Variants in FHAD1 observed in about 807,000 individuals in gnomAD.
FHAD1 encodes the protein forkhead-associated domain-containing protein 1.
FHAD1 carries 146 observed loss-of-function variants against 191.3 expected under a neutral mutation model. That is an observed-to-expected ratio of 0.76 (90% CI 0.67 to 0.88). The LOEUF is 0.88. Ranked by LOEUF, FHAD1 falls within the 40% of genes least tolerant of loss-of-function variation. The pLI is 0.00. For synonymous variants in FHAD1, 616 were observed against 672.3 expected, an observed-to-expected ratio of 0.92 and a Z score of 1.29; for missense variants, 1,635 against 1,785.8, an observed-to-expected ratio of 0.92 and a Z score of 1.52.
intron 6 of FHAD1, among the ~76,000 whole-genome samples, chr1:15,301,761 C>T (rs1299750922): frequency 6.6e-6 from 1 of 152,180 alleles, no homozygotes; most frequent in African/African-American, 2.4e-5. Flanking sequence ...GGCGCTGTGG[C>T]TCACACCTGT....
At chr1:15,352,820 C>G in intron 19 of FHAD1, 57 bp from the exon 20 acceptor site, 1 of 1,308,616 alleles carries the variant, frequency 7.6e-7, no homozygotes, top group Non-Finnish European at 1.1e-6. Context: ...GTTTCCCTTT[C>G]CAGTGTCATT....
intron 33 of FHAD1, among the ~76,000 whole-genome samples, 158 bp from the exon 34 acceptor site, chr1:15,397,139 C>A (rs1354433505): frequency 2.0e-5 from 3 of 147,824 alleles, no homozygotes; most frequent in Admixed American, 2.0e-4. Flanking sequence ...TGCAGTGAGC[C>A]GAGATCACAC....
At position 15,312,340 on chromosome 1, in the gene FHAD1, C is replaced by T. The variant is rs1672528250; in HGVS notation, c.1040-717C>T. On this transcript the variant is annotated intron_variant, in intron 7 of 33. Coordinates refer to ENST00000688493, the MANE Select transcript of FHAD1 (RefSeq NM_001391957.1). The surrounding 1 kb of genome is among the most constrained non-coding windows in gnomAD (Gnocchi z 4.7). ...TGTTCTTTATACAACTCTGTAGATACAATGAGAGGTTAAATAACTTCTTCA... is the reference window on the plus strand; with the variant it reads ...TGTTCTTTATACAACTCTGTAGATATAATGAGAGGTTAAATAACTTCTTCA... 6.6e-6 allele frequency among the ~76,000 whole-genome samples: 1 copy of T among 152,148 alleles called. No homozygotes were observed. Among genetic ancestry groups the T allele is most frequent in the Non-Finnish European group, 1.5e-5 (1 of 68,022 alleles).
intron 6 of FHAD1, among the ~76,000 whole-genome samples, chr1:15,305,580 C>CT (rs1315236617): frequency 9.2e-5 from 14 of 152,224 alleles, no homozygotes; most frequent in Non-Finnish European, 4.4e-5. Flanking sequence ...CAAATCTCAA[C>CT]TTGAATTGTA....
chr1:15,311,699 GACCGTATGAGATA>G lies in FHAD1; in HGVS notation c.1040-1354_1040-1342del, dbSNP rs1188324634. On this transcript the variant is annotated intron_variant, in intron 7 of 33. Transcript: ENST00000688493. The surrounding 1 kb of genome is among the most constrained non-coding windows in gnomAD (Gnocchi z 4.1). ...AGGATGAATGTTTTTCTAAGAAAAG[GACCGTATGAGATA>G]ACCCAATACCACTGCATTATGCACC... Among the ~76,000 whole-genome samples the G allele has an allele frequency of 2.0e-5, 3 of 152,124 alleles. No individual in the cohort carries two copies. Among genetic ancestry groups the G allele is most frequent in the Non-Finnish European group, 2.9e-5 (2 of 68,014 alleles).
At chr1:15,284,884 C>T (rs1417853358) in intron 3 of FHAD1, among the ~76,000 whole-genome samples, 1 of 151,870 alleles carries the variant, frequency 6.6e-6, no homozygotes, top group African/African-American at 2.4e-5. Context: ...AAAAAACCAC[C>T]ACGCCACACA....
chr1:15,310,063 A>G (rs192807814), intron 7 of FHAD1, among the ~76,000 whole-genome samples: 1 of 152,152 alleles, frequency 6.6e-6, no homozygotes. Context: ...TTTTTAAGGC[A>G]GAGAATGGCA....
chr1:15,279,406 G>A (rs10927763), intron 3 of FHAD1, among the ~76,000 whole-genome samples: 2 of 151,750 alleles, frequency 1.3e-5, no homozygotes, highest in East Asian at 3.9e-4. Context: ...GCTAGATCCA[G>A]GTGCTCAAGG....
Position 15,318,101 on chromosome 1 carries a change from A to T in FHAD1, c.1365+173A>T, listed in dbSNP as rs1574291775. Among the ~76,000 whole-genome samples the T allele has an allele frequency of 6.6e-6, 1 of 152,154 alleles. No homozygotes were observed. The highest frequency in any genetic ancestry group is 1.5e-5 in the Non-Finnish European group (1 of 68,032). On this transcript the variant is annotated intron_variant, in intron 10 of 33. Transcript: ENST00000688493. This position sits in a 1 kb window ranked among gnomAD's most constrained non-coding sequence, Gnocchi z 4.1. ...CACTGCATAAAGTAGTTGTGGCAGG[A>T]CTTGAACCCAGGTTGGTCTGACTCC...
At chr1:15,393,555 A>G (rs1557469895) in intron 33 of FHAD1, among the ~76,000 whole-genome samples, 1 of 151,796 alleles carries the variant, frequency 6.6e-6, no homozygotes, top group Non-Finnish European at 1.5e-5. Flanking sequence ...ACAGAGTTAG[A>G]CTAATGAAGA....
chr1:15,380,413 C>A (rs1700636968), intron 28 of FHAD1, among the ~76,000 whole-genome samples: 1 of 152,158 alleles, frequency 6.6e-6, no homozygotes, highest in Non-Finnish European at 1.5e-5. Flanking sequence ...GGGGACAAAA[C>A]CACCCCAATT....
At chr1:15,243,741 C>T (rs1012428026), upstream of FHAD1, among the ~76,000 whole-genome samples, 13 of 152,256 alleles carry the variant, frequency 8.5e-5, no homozygotes, top group African/African-American at 3.1e-4. Context: ...TCACTCCCTG[C>T]CCTGGGCACT....
intron 14 of FHAD1, among the ~76,000 whole-genome samples, chr1:15,337,693 A>T (rs972781871): frequency 6.6e-6 from 1 of 152,116 alleles, no homozygotes; most frequent in African/African-American, 2.4e-5. Flanking sequence ...ATACGGCCCG[A>T]CATAGCAGCA....
chr1:15,390,365 A>T (rs955020909), intron 32 of FHAD1, among the ~76,000 whole-genome samples: 1 of 149,404 alleles, frequency 6.7e-6, no homozygotes, highest in Non-Finnish European at 1.5e-5. Context: ...AAAAAAAAAA[A>T]AAGGCACTTT....
Position 15,303,592 on chromosome 1 carries a change from G to A in FHAD1, c.915+2151G>A, listed in dbSNP as rs563471247. The stretch of plus-strand genomic sequence containing the variant: ...TAGCCGGGCGTGGTGGCTCACGCCT[G>A]TAATCCCAGCACTTTGGGAGGCCAA... On this transcript the variant is annotated intron_variant, in intron 6 of 33. Coordinates refer to ENST00000688493, the MANE Select transcript of FHAD1 (RefSeq NM_001391957.1). 3.5e-4 allele frequency among the ~76,000 whole-genome samples: 53 copies of A among 152,342 alleles called. 1 individual carries two copies. In the South Asian group the frequency reaches 0.011, roughly 30 times the overall value.
intron 21 of FHAD1, among the ~76,000 whole-genome samples, chr1:15,359,317 G>A (rs1693887325): frequency 6.6e-6 from 1 of 152,156 alleles, no homozygotes. Flanking sequence ...CCTTGGAAGA[G>A]CAGGCATGTG....
intron 3 of FHAD1, among the ~76,000 whole-genome samples, chr1:15,273,106 G>T (rs1337247221): frequency 1.3e-5 from 2 of 152,140 alleles, no homozygotes; most frequent in South Asian, 4.1e-4. Context: ...AAAATTACAG[G>T]TTCCCGGGGC....
chr1:15,326,853 T>A (rs1558119586), intron 11 of FHAD1: 2 of 545,456 alleles, frequency 3.7e-6, no homozygotes, highest in Non-Finnish European at 6.6e-6. Context: ...CAGGCGTGCC[T>A]AAAAAGTAAT....
intron 2 of FHAD1, among the ~76,000 whole-genome samples, chr1:15,267,322 A>G (rs1653965960): frequency 6.6e-6 from 1 of 152,200 alleles, no homozygotes; most frequent in Non-Finnish European, 1.5e-5. Context: ...TGTGGTGTAT[A>G]ATTATTTTTA....
Sources: gnomAD v4.1 joint callset for allele counts (sites outside exome capture counted in the v4.1 genomes callset) on GRCh38, gnomAD v4.1.1 for gene constraint, Gnocchi (gnomAD v3.1) non-coding constraint, MANE v1.5 for transcripts, NCBI Gene and HGNC (gene_info 2026-07-23, HGNC 2026-07-21) for gene names.